Variants in JMJD1C observed in about 807,000 individuals in gnomAD.
The protein encoded by JMJD1C is jumonji domain containing 1C, also known as jumonji domain-containing protein 1C.
Under a neutral mutation model 245.3 loss-of-function variants are expected in JMJD1C, and 31 were observed. The observed-to-expected ratio is 0.13, with a 90% CI of 0.09 to 0.17. The LOEUF (loss-of-function observed/expected upper bound fraction) is 0.17. Ranked by LOEUF, JMJD1C falls within the 10% of genes least tolerant of loss-of-function variation. The pLI, the probability that JMJD1C is intolerant of heterozygous loss-of-function variation, is 1.00. For missense variants in JMJD1C, 2,691 were observed against 3,000.2 expected (o/e 0.90, Z 2.41); for synonymous variants, 1,057 against 1,017.4 (o/e 1.04, Z -0.74).
intron 3 of JMJD1C, among the ~76,000 whole-genome samples, chr10:63,241,817 T>C (rs1198569673): frequency 6.6e-6 from 1 of 152,236 alleles, no homozygotes. Context: ...TTTTGTTTTG[T>C]TTTGTTCATG....
intron 2 of JMJD1C, among the ~76,000 whole-genome samples, chr10:63,279,417 A>T (rs1490747190): frequency 6.6e-6 from 1 of 152,236 alleles, no homozygotes; most frequent in Non-Finnish European, 1.5e-5. Context: ...TTTAATAATG[A>T]AAAAATTTAC....
chr10:63,213,976 G>C lies in JMJD1C; in HGVS notation c.2191C>G (p.Pro731Ala). Residue 731 changes from proline to alanine, a missense_variant, in exon 8 of 26, where the codon CCT becomes GCT. Transcript: ENST00000399262. ...GGAAAAGGATGCTGGCTTAGGAAAGGTGAAATATGATTAGCTCCTGTTTCT... is the reference window on the plus strand; with the variant it reads ...GGAAAAGGATGCTGGCTTAGGAAAGCTGAAATATGATTAGCTCCTGTTTCT... ...GSETGANHIS[P>A]FLSQHPFPLH... The C allele has an allele frequency of 1.2e-6, 2 of 1,614,170 alleles. No homozygotes were observed. The highest frequency in any genetic ancestry group is 1.7e-6 in the Non-Finnish European group (2 of 1,179,990).
chr10:63,355,027 AAAG>A (rs900106894), intron 2 of JMJD1C, among the ~76,000 whole-genome samples: 141 of 152,218 alleles, frequency 9.3e-4, no homozygotes, highest in African/African-American at 3.2e-3. Flanking sequence ...TGTGTCAGGA[AAAG>A]AATAAACAAA....
intron 3 of JMJD1C, among the ~76,000 whole-genome samples, chr10:63,242,300 T>C (rs1851577447): frequency 6.6e-6 from 1 of 152,236 alleles, no homozygotes. Context: ...CATACGATTA[T>C]CTGGGCACTT....
At chr10:63,306,727 T>C (rs1938301704) in intron 2 of JMJD1C, among the ~76,000 whole-genome samples, 1 of 152,200 alleles carries the variant, frequency 6.6e-6, no homozygotes, top group Non-Finnish European at 1.5e-5. Context: ...ATGTTACATA[T>C]CAATAACCTA....
intron 1 of JMJD1C, among the ~76,000 whole-genome samples, chr10:63,413,409 AG>A (rs1447323287): frequency 2.0e-5 from 3 of 152,234 alleles, no homozygotes; most frequent in African/African-American, 7.2e-5. Flanking sequence ...GACATATTAT[AG>A]TTTAATATGT....
chr10:63,170,607 GTA>G (rs1842257207), intron 24 of JMJD1C, among the ~76,000 whole-genome samples: 1 of 152,186 alleles, frequency 6.6e-6, no homozygotes, highest in Non-Finnish European at 1.5e-5. Flanking sequence ...GGTTGCTGTT[GTA>G]AGTTTTCAAT....
At position 63,518,337 on chromosome 10, in the gene JMJD1C, A is replaced by T. The variant is rs117418290; in HGVS notation, n.113+3401T>A. On this transcript the variant is annotated intron_variant and non_coding_transcript_variant, in intron 1 of 3. Transcript: ENST00000633035. ...TTCCAACTTCTGCTTTACCACCCTGAAACAAAATAACAATATTCCTACAAT... is the reference window on the plus strand; with the variant it reads ...TTCCAACTTCTGCTTTACCACCCTGTAACAAAATAACAATATTCCTACAAT... Among the ~76,000 whole-genome samples, 901 of 152,334 alleles carry T rather than the reference A, an allele frequency of 5.9e-3. 5 individuals carry two copies. Among genetic ancestry groups the T allele is most frequent in the Non-Finnish European group, 0.01 (682 of 68,036 alleles).
At chr10:63,325,950 T>C (rs1012550144) in intron 2 of JMJD1C, among the ~76,000 whole-genome samples, 8 of 152,194 alleles carry the variant, frequency 5.3e-5, no homozygotes, top group African/African-American at 1.9e-4. Flanking sequence ...GCTAAATCCA[T>C]CATAGCACAG....
intron 3 of JMJD1C, among the ~76,000 whole-genome samples, chr10:63,220,473 TCA>T (rs1448425149): frequency 2.0e-5 from 3 of 152,232 alleles, no homozygotes; most frequent in Non-Finnish European, 2.9e-5. Context: ...TCAGTTCTAC[TCA>T]CAGTCATCTG....
In JMJD1C at chr10:63,406,639, T is replaced by A. The variant is rs887295631; in HGVS notation, c.169-26157A>T. Reference sequence around the variant, plus strand: ...ACTAATCCAACACTAGATTTTTTTTTAAGCAAAATAGTATGGGAAAATATC... The same window carrying A: ...ACTAATCCAACACTAGATTTTTTTTAAAGCAAAATAGTATGGGAAAATATC... On this transcript the variant is annotated intron_variant, in intron 1 of 25. Coordinates refer to ENST00000399262, the MANE Select transcript of JMJD1C (RefSeq NM_032776.3). Among the ~76,000 whole-genome samples the A allele has an allele frequency of 2.9e-4, 44 of 152,174 alleles. 1 individual carries two copies. Among genetic ancestry groups the A allele is most frequent in the South Asian group, 1.0e-3 (5 of 4,828 alleles).
chr10:63,490,001 T>C (rs2133213613), intron 1 of JMJD1C, among the ~76,000 whole-genome samples: 1 of 152,340 alleles, frequency 6.6e-6, no homozygotes, highest in African/African-American at 2.4e-5. Flanking sequence ...CACTGTGAAC[T>C]GAGCACACGA....
intron 3 of JMJD1C, among the ~76,000 whole-genome samples, chr10:63,220,493 A>G (rs1234695362): frequency 1.3e-5 from 2 of 152,212 alleles, no homozygotes; most frequent in Admixed American, 6.5e-5. Flanking sequence ...CTGACCAGTA[A>G]TTTTGCTGCT....
chr10:63,214,172 G>A lies in JMJD1C; in HGVS notation c.1995C>T (p.Ser665=). ...CCAATCTTCTTTCACCAGTAGCTTG[G>A]CTGTTCACATAAGTGGCCTTAGACT... ...SVKSKATYVN[S]QATGERRLAN... Residue 665 remains serine (S), a synonymous_variant, in exon 8 of 26, where the codon AGC becomes AGT. Transcript: ENST00000399262. 1 of 1,614,052 alleles carries A rather than the reference G, an allele frequency of 6.2e-7. No individual in the cohort carries two copies. The highest frequency in any genetic ancestry group is 8.5e-7 in the Non-Finnish European group (1 of 1,180,018).
intron 2 of JMJD1C, among the ~76,000 whole-genome samples, chr10:63,299,187 T>C (rs1859794604): frequency 6.6e-6 from 1 of 152,146 alleles, no homozygotes; most frequent in Non-Finnish European, 1.5e-5. Flanking sequence ...AACTGAATTT[T>C]TCTTCTTTTT....
intron 1 of JMJD1C, among the ~76,000 whole-genome samples, chr10:63,432,534 G>C (rs1338711391): frequency 6.6e-6 from 1 of 152,138 alleles, no homozygotes; most frequent in Non-Finnish European, 1.5e-5. Flanking sequence ...AACAGTATCA[G>C]CTATATTGTA....
chr10:63,286,765 A>G (rs2133916622), intron 2 of JMJD1C, among the ~76,000 whole-genome samples: 1 of 152,316 alleles, frequency 6.6e-6, no homozygotes, highest in African/African-American at 2.4e-5. Context: ...TAAAAATATC[A>G]AGCAGCTAAA....
At chr10:63,347,500 G>A (rs192369456) in intron 2 of JMJD1C, among the ~76,000 whole-genome samples, 1 of 149,540 alleles carries the variant, frequency 6.7e-6, no homozygotes, top group East Asian at 2.0e-4. Context: ...CAGGAGAATT[G>A]TTGAACCCAG....
chr10:63,401,656 G>C (rs569741461), intron 1 of JMJD1C, among the ~76,000 whole-genome samples: 2 of 152,278 alleles, frequency 1.3e-5, no homozygotes, highest in East Asian at 1.9e-4. Flanking sequence ...CTTGAAAAGA[G>C]TGTGCATTAT....
Sources: gnomAD v4.1 joint callset for allele counts (sites outside exome capture counted in the v4.1 genomes callset) on GRCh38, gnomAD v4.1.1 for gene constraint, MANE v1.5 for transcripts, NCBI Gene and HGNC (gene_info 2026-07-23, HGNC 2026-07-21) for gene names.